The following TMEM87A variants were observed in gnomAD, a reference collection of about 807,000 sequenced individuals.
TMEM87A encodes the protein Golgi-pH regulating cation channel.
TMEM87A carries 50 observed loss-of-function variants against 90.0 expected under a neutral mutation model. The observed-to-expected ratio is 0.56, with a 90% CI of 0.44 to 0.70. The LOEUF (loss-of-function observed/expected upper bound fraction) is 0.70, where lower values mean the gene tolerates loss of function less well. Ranked by LOEUF, TMEM87A falls within the 30% of genes least tolerant of loss-of-function variation. TMEM87A has a pLI of 0.00. For missense variants in TMEM87A, 577 were observed against 660.5 expected (o/e 0.87, Z 1.39); for synonymous variants, 226 against 226.7 (o/e 1.00, Z 0.03).
chr15:42,221,560 C>A (rs976914328), intron 15 of TMEM87A, among the ~76,000 whole-genome samples: 2 of 151,884 alleles, frequency 1.3e-5, no homozygotes, highest in Admixed American at 1.3e-4. Flanking sequence ...TAGAATTAAG[C>A]AATCTAAAAT....
intron 6 of TMEM87A, among the ~76,000 whole-genome samples, chr15:42,247,589 AT>A: frequency 6.6e-6 from 1 of 152,244 alleles, no homozygotes; most frequent in Admixed American, 6.5e-5. Flanking sequence ...CAAAGATCAG[AT>A]GGTTGTAAAT....
chr15:42,220,918 A>G (rs1330378440), intron 15 of TMEM87A, among the ~76,000 whole-genome samples: 1 of 152,046 alleles, frequency 6.6e-6, no homozygotes, highest in Admixed American at 6.6e-5. Context: ...CAGCTTCCCG[A>G]ATAGCTGGGA....
rs1248987358 is a variant in TMEM87A at position 42,229,648 on chromosome 15, A to G, written c.1132-828T>C. Among the ~76,000 whole-genome samples the G allele has an allele frequency of 1.3e-5, 2 of 152,130 alleles. 1 individual carries two copies. The highest frequency in any genetic ancestry group is 2.9e-5 in the Non-Finnish European group (2 of 68,022). On this transcript the variant is annotated intron_variant, in intron 12 of 19. Coordinates refer to ENST00000389834, the MANE Select transcript of TMEM87A (RefSeq NM_015497.5). ...CTCATGCCATCTTAAGGAACCTGCCATCAGTTGCCTGCACTATCCTGAATT... is the reference window on the plus strand; with the variant it reads ...CTCATGCCATCTTAAGGAACCTGCCGTCAGTTGCCTGCACTATCCTGAATT...
Position 42,257,453 on chromosome 15 carries a change from C to T in TMEM87A, c.504+3505G>A, listed in dbSNP as rs191981229. On this transcript the variant is annotated intron_variant, in intron 6 of 19. Transcript: ENST00000389834. ...TGAAGCCCTCACTAGAAACAGATGCCGGCACCATGCTTCTTTCATAGCCCA... is the reference window on the plus strand; with the variant it reads ...TGAAGCCCTCACTAGAAACAGATGCTGGCACCATGCTTCTTTCATAGCCCA... Among the ~76,000 whole-genome samples the T allele has an allele frequency of 2.5e-3, 382 of 152,208 alleles. 3 individuals are homozygous for T. Among genetic ancestry groups the T allele is most frequent in the African/African-American group, 7.8e-3 (325 of 41,500 alleles).
At chr15:42,215,358 G>A (rs780298883) in intron 19 of TMEM87A, among the ~76,000 whole-genome samples, 4 of 152,066 alleles carry the variant, frequency 2.6e-5, no homozygotes, top group Admixed American at 6.5e-5. Flanking sequence ...AAAATTTGCC[G>A]GGCGTGGTGG....
Position 42,211,072 on chromosome 15 carries a change from T to C in TMEM87A, c.*636A>G, listed in dbSNP as rs2140903108. On this transcript the variant is annotated 3_prime_UTR_variant, in exon 20 of 20. Transcript: ENST00000389834. ...ATAGAAAAATCTTTAATATACACCA[T>C]TTGTAAACAAAATTGCACTTGATTT... 1 of 152,712 alleles carries C rather than the reference T, an allele frequency of 6.5e-6. No individual in the cohort carries two copies. Among genetic ancestry groups the C allele is most frequent in the Non-Finnish European group, 1.5e-5 (1 of 68,028 alleles). The allele number at this position is 152,712 out of a possible 1,614,324, so 9.5% of individuals were successfully genotyped here.
At chr15:42,219,929 C>T (rs1017912306) in intron 16 of TMEM87A, 133 bp downstream of exon 16, 33 of 822,630 alleles carry the variant, frequency 4.0e-5, no homozygotes, top group South Asian at 6.0e-5. Context: ...TCTTAAGATT[C>T]ACACCCTTAT....
chr15:42,255,182 G>A (rs534515730), intron 6 of TMEM87A, among the ~76,000 whole-genome samples: 11 of 151,992 alleles, frequency 7.2e-5, no homozygotes, highest in African/African-American at 2.7e-4. Flanking sequence ...CGCCCAGGCT[G>A]GAATGCAATG....
intron 15 of TMEM87A, among the ~76,000 whole-genome samples, 167 bp from the exon 16 acceptor site, chr15:42,220,302 T>C (rs1251698788): frequency 6.6e-6 from 1 of 152,226 alleles, no homozygotes; most frequent in Non-Finnish European, 1.5e-5. Context: ...TTGCCTATAT[T>C]AGCAAGGGAG....
chr15:42,254,736 T>C (rs2051145189), intron 6 of TMEM87A, among the ~76,000 whole-genome samples: 1 of 152,158 alleles, frequency 6.6e-6, no homozygotes, highest in Admixed American at 6.5e-5. Flanking sequence ...GCACAGAGGA[T>C]TTTTAGGCAC....
chr15:42,226,144 C>A (rs1345381079), intron 15 of TMEM87A, among the ~76,000 whole-genome samples: 3 of 152,062 alleles, frequency 2.0e-5, no homozygotes, highest in African/African-American at 7.2e-5. Context: ...GGATTACAGG[C>A]ATCCACCTCC....
chr15:42,236,335 C>T lies in TMEM87A; in HGVS notation c.953G>A (p.Gly318Glu). 6.2e-7 allele frequency: 1 copy of T among 1,614,054 alleles called. No homozygotes were observed. Among genetic ancestry groups the T allele is most frequent in the South Asian group, 1.1e-5 (1 of 91,080 alleles). ...TAATACTTACTTGACGATGCCATAT[C>T]CCAGACTGACTATGATGACCAGGGT... ...ARTLVIIVSL[G>E]YGIVKPRLGV... Residue 318 changes from glycine to glutamate, a missense_variant, in exon 10 of 20, where the codon GGA (glycine) becomes GAA (glutamate). By Grantham distance (98) the Gly-to-Glu change is moderately conservative. Coordinates refer to ENST00000389834, the MANE Select transcript of TMEM87A (RefSeq NM_015497.5).
At position 42,264,173 on chromosome 15, in the gene TMEM87A, G is replaced by GT; in HGVS notation, c.321dup (p.Leu108ThrfsTer2). On this transcript the variant is annotated frameshift_variant, in exon 4 of 20. Coordinates refer to ENST00000389834, the MANE Select transcript of TMEM87A (RefSeq NM_015497.5). LOFTEE classifies it high-confidence loss of function. The stretch of plus-strand genomic sequence containing the variant: ...CCAGACAAGCCTCTTTTTTCCTTAA[G>GT]TTTTTCCAAATACAACTCTACTTCT... 6.2e-7 allele frequency: 1 copy of GT among 1,613,542 alleles called. No individual in the cohort carries two copies. The highest frequency in any genetic ancestry group is 8.5e-7 in the Non-Finnish European group (1 of 1,179,782).
At chr15:42,251,260 T>C (rs2051079740) in intron 6 of TMEM87A, among the ~76,000 whole-genome samples, 1 of 152,234 alleles carries the variant, frequency 6.6e-6, no homozygotes, top group Non-Finnish European at 1.5e-5. Flanking sequence ...TCAAATTCAT[T>C]ATCTGTCCAG....
intron 6 of TMEM87A, among the ~76,000 whole-genome samples, chr15:42,260,444 C>T (rs965845719): frequency 6.6e-6 from 1 of 152,272 alleles, no homozygotes; most frequent in Non-Finnish European, 1.5e-5. Flanking sequence ...AAATTAAAAA[C>T]TTTAATCAGC....
intron 6 of TMEM87A, chr15:42,258,814 G>C: frequency 6.8e-7 from 1 of 1,464,114 alleles, no homozygotes; most frequent in Non-Finnish European, 9.0e-7. Flanking sequence ...ATAAAACTGG[G>C]GTTTAGGTAG....
intron 1 of TMEM87A, chr15:42,272,879 T>C (rs1173116367): frequency 4.3e-6 from 2 of 466,340 alleles, no homozygotes; most frequent in East Asian, 6.6e-5. Context: ...AAATGAAGAC[T>C]CCTATTTACA....
chr15:42,211,833 A>C, intron 19 of TMEM87A, 84 bp from the exon 20 acceptor site: 1 of 1,201,390 alleles, frequency 8.3e-7, no homozygotes, highest in Non-Finnish European at 1.2e-6. Flanking sequence ...ATCCAAGCAA[A>C]CATCTTCCAC....
rs755496249 is a variant in TMEM87A at position 42,273,312 on chromosome 15, C to A, written c.87G>T (p.Ala29=). The A allele has an allele frequency of 6.2e-7, 1 of 1,614,170 alleles. No homozygotes were observed. Among genetic ancestry groups the A allele is most frequent in the East Asian group, 2.2e-5 (1 of 44,886 alleles). The part of the protein sequence containing the change: ...AHPSPLSFFS[A]GPATVAAADR... ...CGGCAGCAGCTACGGTTGCCGGTCC[C>A]GCACTGAAAAACGACAGTGGTGACG... The change falls in exon 1 of 20, where the codon GCG becomes GCT. Residue 29 remains alanine (A), a synonymous_variant. Transcript: ENST00000389834.
Sources: allele counts gnomAD v4.1 joint callset (sites outside exome capture counted in the v4.1 genomes callset), GRCh38; gene constraint gnomAD v4.1.1; transcripts MANE v1.5; gene names NCBI Gene and HGNC (gene_info 2026-07-23, HGNC 2026-07-21).